Variants in ACMSD observed in about 807,000 individuals in gnomAD.
ACMSD encodes the protein aminocarboxymuconate semialdehyde decarboxylase, also known as 2-amino-3-carboxymuconate-6-semialdehyde decarboxylase.
ACMSD carries 37 observed loss-of-function variants against 45.9 expected under a neutral mutation model. The ratio of observed to expected loss-of-function variants is 0.81; its 90% CI spans 0.62 to 1.06. ACMSD has a LOEUF of 1.06. ACMSD is among the 50% of genes least tolerant of loss of function. ACMSD has a pLI of 0.00. For missense variants in ACMSD, 434 were observed against 420.9 expected, an observed-to-expected ratio of 1.03 and a Z score of -0.27; for synonymous variants, 138 against 148.8, an observed-to-expected ratio of 0.93 and a Z score of 0.53.
intron 4 of ACMSD, 141 bp downstream of exon 4, chr2:134,862,159 G>A: frequency 1.1e-6 from 1 of 901,728 alleles, no homozygotes; most frequent in South Asian, 1.4e-5. Context: ...GATCAGCAGG[G>A]TCCCCTCTCA....
chr2:134,840,939 A>G (rs906481386), intron 1 of ACMSD, among the ~76,000 whole-genome samples: 1 of 152,034 alleles, frequency 6.6e-6, no homozygotes, highest in African/African-American at 2.4e-5. Flanking sequence ...CGAGTCCCCA[A>G]AGTCCATCGT....
intron 1 of ACMSD, among the ~76,000 whole-genome samples, chr2:134,839,958 A>G (rs1686707159): frequency 6.6e-6 from 1 of 151,980 alleles, no homozygotes; most frequent in Admixed American, 6.6e-5. Flanking sequence ...CTTGTTTAGA[A>G]GCTGCATGCA....
intron 2 of ACMSD, among the ~76,000 whole-genome samples, chr2:134,853,943 T>G (rs1304980027): frequency 6.6e-6 from 1 of 152,212 alleles, no homozygotes; most frequent in Non-Finnish European, 1.5e-5. Flanking sequence ...AACTTTAGCC[T>G]ACTACATAGA....
chr2:134,864,946 T>C (rs950045154), intron 5 of ACMSD, among the ~76,000 whole-genome samples: 8 of 152,236 alleles, frequency 5.3e-5, no homozygotes, highest in Non-Finnish European at 1.0e-4. Flanking sequence ...CATAATTCTT[T>C]ACTCAATTGC....
intron 8 of ACMSD, among the ~76,000 whole-genome samples, chr2:134,894,142 T>A (rs186396484): frequency 6.6e-6 from 1 of 152,052 alleles, no homozygotes; most frequent in Admixed American, 6.6e-5. Context: ...AGAAATAGAT[T>A]ATAGAAAAAC....
chr2:134,868,148 T>TA (rs1326848637), intron 6 of ACMSD, among the ~76,000 whole-genome samples: 4 of 152,166 alleles, frequency 2.6e-5, no homozygotes, highest in African/African-American at 9.7e-5. Flanking sequence ...ACCCTAGAAT[T>TA]AAAGGTAGAA....
chr2:134,842,445 T>A (rs1686848388), intron 1 of ACMSD, among the ~76,000 whole-genome samples: 1 of 152,096 alleles, frequency 6.6e-6, no homozygotes, highest in South Asian at 2.1e-4. Flanking sequence ...GGGGTTGGAA[T>A]AAGACTGTCG....
chr2:134,863,334 G>A (rs540972381), intron 4 of ACMSD, 61 bp from the exon 5 acceptor site: 2 of 1,488,038 alleles, frequency 1.3e-6, no homozygotes, highest in African/African-American at 1.4e-5. Context: ...ACTGTTCAGA[G>A]TGAATGTCTA....
At chr2:134,869,447 A>G (rs1404844860) in intron 6 of ACMSD, among the ~76,000 whole-genome samples, 1 of 152,102 alleles carries the variant, frequency 6.6e-6, no homozygotes, top group East Asian at 1.9e-4. Flanking sequence ...TCCTGACCTC[A>G]AGTGATCTGC....
In ACMSD at chr2:134,885,339, AT is replaced by A. The variant is rs1159624494; in HGVS notation, c.849+12701del. Among the ~76,000 whole-genome samples, 54 of 106,070 alleles carry A rather than the reference AT, an allele frequency of 5.1e-4. No individual in the cohort carries two copies. In the East Asian group the frequency reaches 7.7e-3, roughly 15 times the overall value. The allele number at this position is 106,070 out of a possible 152,430, so 69.6% of individuals were successfully genotyped here. On this transcript the variant is annotated intron_variant, in intron 8 of 9. Coordinates refer to ENST00000356140, the MANE Select transcript of ACMSD (RefSeq NM_138326.3). ...TATATAAATATATATGTAAATATAT[AT>A]TTATATATAATATATATTTACATAT...
chr2:134,839,370 G>A (rs1262878974), intron 1 of ACMSD, among the ~76,000 whole-genome samples: 2 of 152,130 alleles, frequency 1.3e-5, no homozygotes, highest in Non-Finnish European at 2.9e-5. Flanking sequence ...AGTATTCTTT[G>A]TGTTTCTCTA....
intron 2 of ACMSD, among the ~76,000 whole-genome samples, chr2:134,858,983 C>A (rs563974383): frequency 6.8e-6 from 1 of 147,950 alleles, no homozygotes; most frequent in Non-Finnish European, 1.5e-5. Flanking sequence ...AGGTGATCAG[C>A]CATTCTCAGT....
At chr2:134,862,074 C>T in intron 4 of ACMSD, 56 bp downstream of exon 4, 1 of 1,598,352 alleles carries the variant, frequency 6.3e-7, no homozygotes, top group Non-Finnish European at 8.6e-7. Flanking sequence ...GTTGAGCTCC[C>T]AAAAAGTGAA....
At chr2:134,870,569 C>T (rs181673539) in intron 6 of ACMSD, among the ~76,000 whole-genome samples, 36 of 152,294 alleles carry the variant, frequency 2.4e-4, no homozygotes, top group Non-Finnish European at 4.9e-4. Context: ...GCAACACAGA[C>T]GTCATCTTAC....
At chr2:134,858,552 T>C (rs1345423103) in intron 2 of ACMSD, among the ~76,000 whole-genome samples, 1 of 152,232 alleles carries the variant, frequency 6.6e-6, no homozygotes, top group Non-Finnish European at 1.5e-5. Context: ...TGTGAAGTAA[T>C]GGACATTTTA....
intron 2 of ACMSD, among the ~76,000 whole-genome samples, chr2:134,854,572 C>A (rs1687492778): frequency 6.6e-6 from 1 of 152,222 alleles, no homozygotes; most frequent in Non-Finnish European, 1.5e-5. Context: ...GTGGACTCTG[C>A]ATAGTCCCTA....
At chr2:134,895,262 C>T (rs1024380898) in intron 8 of ACMSD, among the ~76,000 whole-genome samples, 1 of 148,194 alleles carries the variant, frequency 6.7e-6, no homozygotes, top group Non-Finnish European at 1.5e-5. Flanking sequence ...GAGACTGTGC[C>T]ACTGCACTCC....
intron 2 of ACMSD, among the ~76,000 whole-genome samples, chr2:134,852,552 G>A (rs1394801820): frequency 1.3e-5 from 2 of 152,202 alleles, no homozygotes; most frequent in Non-Finnish European, 2.9e-5. Context: ...GCAAAGTAAC[G>A]TAGGCTTGAA....
At chr2:134,890,672 C>A (rs1395918035) in intron 8 of ACMSD, among the ~76,000 whole-genome samples, 4 of 151,926 alleles carry the variant, frequency 2.6e-5, no homozygotes, top group African/African-American at 9.6e-5. Flanking sequence ...GAGTAAGGAG[C>A]CATGACATCT....
Sources: allele counts gnomAD v4.1 joint callset (sites outside exome capture counted in the v4.1 genomes callset), GRCh38; gene constraint gnomAD v4.1.1; transcripts MANE v1.5; gene names NCBI Gene and HGNC (gene_info 2026-07-23, HGNC 2026-07-21).